Variants in SLIT2 observed in about 807,000 individuals in gnomAD.
SLIT2 encodes the protein slit guidance ligand 2.
SLIT2 carries 41 observed loss-of-function variants against 185.7 expected under a neutral mutation model. The observed-to-expected ratio is 0.22, with a 90% CI of 0.17 to 0.29. The LOEUF is 0.29. Among genes scored for constraint, SLIT2 ranks in the 10% least tolerant of loss-of-function variants. The pLI, the probability that SLIT2 is intolerant of heterozygous loss-of-function variation, is 1.00. For synonymous variants in SLIT2, 693 were observed against 680.2 expected, an observed-to-expected ratio of 1.02 and a Z score of -0.29; for missense variants, 1,571 against 1,909.0, an observed-to-expected ratio of 0.82 and a Z score of 3.30.
At chr4:20,575,705 T>A (rs1283433275) in intron 29 of SLIT2, among the ~76,000 whole-genome samples, 1 of 152,188 alleles carries the variant, frequency 6.6e-6, no homozygotes, top group East Asian at 1.9e-4. Flanking sequence ...GCTCTCCTGC[T>A]GTCTCTTCAG....
intron 4 of SLIT2, among the ~76,000 whole-genome samples, chr4:20,302,420 A>G (rs1717140888): frequency 6.6e-6 from 1 of 152,160 alleles, no homozygotes; most frequent in Non-Finnish European, 1.5e-5. Context: ...TGTCTGCTAC[A>G]TGCCAGGCAA....
rs984114923 is a variant in SLIT2, at chr4:20,414,344, C to T, written c.396-53408C>T. Among the ~76,000 whole-genome samples, 5 of 152,112 alleles carry T rather than the reference C, an allele frequency of 3.3e-5. No homozygotes were observed. The South Asian group carries it at 1.0e-3, about 32-fold the overall frequency. On this transcript the variant is annotated intron_variant, in intron 4 of 36. Transcript: ENST00000504154. The stretch of plus-strand genomic sequence containing the variant: ...CTTACCCATCCTAGGTCTAACAAGG[C>T]AACTTGTAACTGTTGCTTTATGCAG...
At chr4:20,403,525 T>A (rs1416413139) in intron 4 of SLIT2, among the ~76,000 whole-genome samples, 1 of 151,988 alleles carries the variant, frequency 6.6e-6, no homozygotes, top group African/African-American at 2.4e-5. Flanking sequence ...GTACAATTTG[T>A]TGTTTCATTT....
intron 5 of SLIT2, among the ~76,000 whole-genome samples, chr4:20,474,690 C>A (rs1042039579): frequency 1.3e-5 from 2 of 151,934 alleles, no homozygotes; most frequent in Non-Finnish European, 2.9e-5. Context: ...TAACACTGAA[C>A]AGTACACTTT....
At chr4:20,554,356 C>A (rs1167049352) in intron 26 of SLIT2, 1 of 459,958 alleles carries the variant, frequency 2.2e-6, no homozygotes, top group Non-Finnish European at 4.4e-6. Context: ...GAGAAACAGG[C>A]CCTCCCCAGT....
chr4:20,268,035 T>C (rs1264601952), intron 3 of SLIT2, among the ~76,000 whole-genome samples: 1 of 151,894 alleles, frequency 6.6e-6, no homozygotes, highest in Non-Finnish European at 1.5e-5. Flanking sequence ...ACAGATGGGA[T>C]TGGGATATGA....
At chr4:20,432,907 G>A (rs966700745) in intron 4 of SLIT2, among the ~76,000 whole-genome samples, 1 of 152,160 alleles carries the variant, frequency 6.6e-6, no homozygotes, top group African/African-American at 2.4e-5. Context: ...GGTAGAATAT[G>A]CTTAAGAAGA....
intron 9 of SLIT2, among the ~76,000 whole-genome samples, chr4:20,508,151 T>A (rs78517030): frequency 1.6e-4 from 24 of 152,158 alleles, no homozygotes; most frequent in African/African-American, 5.8e-4. Context: ...TACAGTTTAT[T>A]TACTGTCTTC....
intron 4 of SLIT2, among the ~76,000 whole-genome samples, chr4:20,346,317 A>G (rs544526118): frequency 1.5e-3 from 228 of 152,278 alleles, no homozygotes; most frequent in African/African-American, 5.0e-3. Flanking sequence ...TTTGGACCAA[A>G]TAATTCTTGT....
At chr4:20,366,277 A>G (rs565024731) in intron 4 of SLIT2, among the ~76,000 whole-genome samples, 25 of 152,198 alleles carry the variant, frequency 1.6e-4, no homozygotes, top group African/African-American at 6.0e-4. Flanking sequence ...CACTTCGTAC[A>G]ATGTATAAAT....
chr4:20,360,824 A>C (rs1227126145), intron 4 of SLIT2, among the ~76,000 whole-genome samples: 2 of 152,134 alleles, frequency 1.3e-5, no homozygotes, highest in Non-Finnish European at 2.9e-5. Flanking sequence ...TTGAGAGCTT[A>C]CTAGGTGTCA....
At chr4:20,590,750 A>G (rs988237120) in intron 30 of SLIT2, among the ~76,000 whole-genome samples, 12 of 152,220 alleles carry the variant, frequency 7.9e-5, no homozygotes, top group African/African-American at 2.9e-4. Context: ...TTCAACAGCA[A>G]CTTCTCTTTT....
chr4:20,567,450 A>G, intron 27 of SLIT2, 64 bp downstream of exon 27: 1 of 1,610,612 alleles, frequency 6.2e-7, no homozygotes, highest in Non-Finnish European at 8.5e-7. Flanking sequence ...TGCCTTTATT[A>G]TTCTACTGTG....
chr4:20,427,904 A>G (rs1728681851), intron 4 of SLIT2, among the ~76,000 whole-genome samples: 1 of 152,112 alleles, frequency 6.6e-6, no homozygotes, highest in Admixed American at 6.5e-5. Context: ...TCTGACCTAA[A>G]TTACAAACCT....
rs779593400 is a variant in SLIT2, at chr4:20,525,161, A to G, written c.1451A>G (p.Tyr484Cys). 7 of 1,608,972 alleles carry G rather than the reference A, an allele frequency of 4.4e-6. No homozygotes were observed. The highest frequency in any genetic ancestry group is 1.3e-5 in the African/African-American group (1 of 74,782). Reference sequence around the variant, plus strand: ...TTTTTTTATTTAGCTAAAGAACAGTATTTCATTCCAGGTAGGTTTTGCTCG... The same window carrying G: ...TTTTTTTATTTAGCTAAAGAACAGTGTTTCATTCCAGGTAGGTTTTGCTCG... ...KKFRCSAKEQ[Y>C]FIPGTEDYRS... The change falls in exon 15 of 37, where the codon TAT becomes TGT. Residue 484 changes from tyrosine (Y) to cysteine (C), a missense_variant. Tyr to Cys is a radical substitution (Grantham distance 194). This residue lies in a region of SLIT2 where 1,202 missense variants were observed against 1,416.4 expected (regional missense o/e 0.85). Transcript: ENST00000504154.
chr4:20,452,346 C>G (rs547921275), intron 4 of SLIT2, among the ~76,000 whole-genome samples: 1 of 152,042 alleles, frequency 6.6e-6, no homozygotes, highest in Non-Finnish European at 1.5e-5. Context: ...GTTGGAGAAT[C>G]GATTACTTCT....
rs930836447 is a variant in SLIT2 at position 20,508,129 on chromosome 4, A to G, written c.915-2366A>G. Among the ~76,000 whole-genome samples, 5 of 152,168 alleles carry G rather than the reference A, an allele frequency of 3.3e-5. No homozygotes were observed. The East Asian group carries it at 7.7e-4, about 23-fold the overall frequency. The stretch of plus-strand genomic sequence containing the variant: ...GATAAATAATACAGAAGACAAATTC[A>G]TATTTCCATCATACAGTTTATTTAC... On this transcript the variant is annotated intron_variant, in intron 9 of 36. Coordinates refer to ENST00000504154, the MANE Select transcript of SLIT2 (RefSeq NM_004787.4).
intron 11 of SLIT2, among the ~76,000 whole-genome samples, chr4:20,516,922 A>G (rs1215668497): frequency 2.0e-5 from 3 of 152,158 alleles, no homozygotes; most frequent in Non-Finnish European, 4.4e-5. Context: ...TAACAATAGC[A>G]TCTGTTACTT....
rs527860547 is a variant in SLIT2 at position 20,550,883 on chromosome 4, C to G, written c.2546C>G (p.Ser849Cys). Residue 849 changes from serine to cysteine, a missense_variant, in exon 25 of 37, where the codon TCT becomes TGT. Transcript: ENST00000504154. ...CCTGAAGGTGCTTTCAATGATCTTT[C>G]TGCATTATCACATCTGTGAGTACCT... ...VVPEGAFNDLSALSHLAIGAN... is the reference protein window; with the variant it reads ...VVPEGAFNDLCALSHLAIGAN... 30 of 1,600,408 alleles carry G rather than the reference C, an allele frequency of 1.9e-5. No individual in the cohort carries two copies. In the South Asian group the frequency reaches 2.6e-4, roughly 14 times the overall value.
Sources: allele counts gnomAD v4.1 joint callset (sites outside exome capture counted in the v4.1 genomes callset), GRCh38; gene constraint gnomAD v4.1.1; regional missense constraint gnomAD v4.1.1; transcripts MANE v1.5; gene names NCBI Gene and HGNC (gene_info 2026-07-23, HGNC 2026-07-21).